Variants in STT3A observed in about 807,000 individuals in gnomAD.
The protein encoded by STT3A is STT3 oligosaccharyltransferase complex catalytic subunit A.
A neutral mutation model predicts 89.2 loss-of-function variants in STT3A; 34 were observed. The observed-to-expected ratio is 0.38, with a 90% confidence interval of 0.29 to 0.51. The LOEUF (loss-of-function observed/expected upper bound fraction) is 0.51. STT3A is among the 20% of genes least tolerant of loss of function. The pLI is 0.89. For missense variants in STT3A, 555 were observed against 889.5 expected (o/e 0.62, Z 4.78); for synonymous variants, 282 against 310.3 (o/e 0.91, Z 0.96).
chr11:125,618,514 T>C lies in STT3A; in HGVS notation c.1916T>C (p.Met639Thr). ...TCTCCAGTGCTGCTCAACTGCCTCATGTACAAGATGTGTTACTATCGCTTT... is the reference window on the plus strand; with the variant it reads ...TCTCCAGTGCTGCTCAACTGCCTCACGTACAAGATGTGTTACTATCGCTTT... Reference protein sequence around the residue: ...EGSPVLLNCLMYKMCYYRFGQ... With the variant: ...EGSPVLLNCLTYKMCYYRFGQ... Residue 639 changes from methionine to threonine, a missense_variant, in exon 16 of 18, where the codon ATG (methionine) becomes ACG (threonine). By Grantham distance (81) the Met-to-Thr change is moderately conservative. Around this residue, in one of 5 missense-constraint regions of STT3A, gnomAD observed 273 missense variants for 449.8 expected, o/e 0.61. Coordinates refer to ENST00000392708, the MANE Select transcript of STT3A (RefSeq NM_152713.5). 6.2e-7 allele frequency: 1 copy of C among 1,614,062 alleles called. No individual in the cohort carries two copies. The highest frequency in any genetic ancestry group is 8.5e-7 in the Non-Finnish European group (1 of 1,179,994).
intron 11 of STT3A, among the ~76,000 whole-genome samples, chr11:125,611,807 T>C (rs1342348552): frequency 6.6e-6 from 1 of 152,032 alleles, no homozygotes; most frequent in Non-Finnish European, 1.5e-5. Context: ...ATGATATTTT[T>C]TTCTTGAAGG....
chr11:125,619,631 A>G (rs1050464063), intron 16 of STT3A, among the ~76,000 whole-genome samples: 2 of 152,176 alleles, frequency 1.3e-5, no homozygotes, highest in African/African-American at 4.8e-5. Flanking sequence ...TTGATTCTGT[A>G]CTAGGGAGAA....
At chr11:125,618,628 C>T (rs1940249488) in intron 16 of STT3A, 67 bp downstream of exon 16, 2 of 1,488,530 alleles carry the variant, frequency 1.3e-6, no homozygotes, top group Non-Finnish European at 1.8e-6. Flanking sequence ...CAGTATTTTC[C>T]ATATGCCAAG....
chr11:125,615,181 C>T (rs571101221), intron 15 of STT3A, among the ~76,000 whole-genome samples: 15 of 152,132 alleles, frequency 9.9e-5, no homozygotes, highest in African/African-American at 3.4e-4. Context: ...GCAGGAGAAT[C>T]GCTTGAACTC....
At chr11:125,608,975 C>A (rs910217249) in intron 9 of STT3A, among the ~76,000 whole-genome samples, 1 of 152,114 alleles carries the variant, frequency 6.6e-6, no homozygotes, top group African/African-American at 2.4e-5. Context: ...CTCATCTAAT[C>A]CCATGGAAAC....
In STT3A at chr11:125,608,307, C is replaced by CT; in HGVS notation, c.961+24dup. ...GCTGACAGGTAGGGAAGGCTCACAG[C>CT]TTTTTTCCTTTTTTCTTTTTTTTTA... On this transcript the variant is annotated intron_variant, in intron 9 of 17. Transcript: ENST00000392708. 6.4e-7 allele frequency: 1 copy of CT among 1,562,628 alleles called. No homozygotes were observed. Among genetic ancestry groups the CT allele is most frequent in the East Asian group, 2.3e-5 (1 of 44,396 alleles).
intron 3 of STT3A, among the ~76,000 whole-genome samples, chr11:125,600,277 C>T (rs1939632660): frequency 1.3e-5 from 2 of 151,874 alleles, no homozygotes; most frequent in South Asian, 2.1e-4. Context: ...CTCGAACTCC[C>T]GACCTCAGGT....
intron 16 of STT3A, among the ~76,000 whole-genome samples, chr11:125,619,349 C>G (rs890564626): frequency 6.6e-6 from 1 of 151,990 alleles, no homozygotes; most frequent in South Asian, 2.1e-4. Context: ...CATGAGCCAC[C>G]GCACCCAGCC....
At chr11:125,593,209 C>G (rs1939371886) in intron 1 of STT3A, 1 of 152,324 alleles carries the variant, frequency 6.6e-6, no homozygotes, top group Non-Finnish European at 1.5e-5. Context: ...TGATGAGTGT[C>G]CCGCGCTGAG....
intron 10 of STT3A, among the ~76,000 whole-genome samples, chr11:125,610,131 C>T (rs1939960251): frequency 7.0e-6 from 1 of 142,904 alleles, no homozygotes; most frequent in African/African-American, 2.6e-5. Context: ...GGTACAATCT[C>T]AGCTTACTGC....
Position 125,621,872 on chromosome 11 carries a change from A to C in STT3A, c.*1062A>C, listed in dbSNP as rs1299429073. 3 of 152,214 alleles carry C rather than the reference A, an allele frequency of 2.0e-5. No individual in the cohort carries two copies. Among genetic ancestry groups the C allele is most frequent in the African/African-American group, 7.2e-5 (3 of 41,448 alleles). The allele number at this position is 152,214 out of a possible 1,614,324, so 9.4% of individuals were successfully genotyped here. A position where few individuals can be genotyped will look rare whatever the true frequency, so the allele number is the denominator to read the frequency against. On this transcript the variant is annotated 3_prime_UTR_variant, in exon 18 of 18. Coordinates refer to ENST00000392708, the MANE Select transcript of STT3A (RefSeq NM_152713.5). ...TGGGCAACATAAGGAGATTGTTTCT[A>C]TGAAAAATAAAAATTAGCCAGGTAT...
In STT3A at chr11:125,621,451, A is replaced by G. The variant is rs1326003327; in HGVS notation, c.*641A>G. On this transcript the variant is annotated 3_prime_UTR_variant, in exon 18 of 18. Transcript: ENST00000392708. ...TCAGCAGTTTTGAAGACTCAAGACAAACAGTGAAATTATTGGTTTATCAAT... is the reference window on the plus strand; with the variant it reads ...TCAGCAGTTTTGAAGACTCAAGACAGACAGTGAAATTATTGGTTTATCAAT... The G allele has an allele frequency of 6.6e-6, 1 of 152,228 alleles. No individual in the cohort carries two copies. The highest frequency in any genetic ancestry group is 1.5e-5 in the Non-Finnish European group (1 of 68,030). 9.4% of individuals were successfully genotyped at this position (152,228 alleles called of 1,614,324 possible).
chr11:125,595,458 G>T (rs1939462053), intron 1 of STT3A, among the ~76,000 whole-genome samples: 1 of 151,932 alleles, frequency 6.6e-6, no homozygotes, highest in Non-Finnish European at 1.5e-5. Flanking sequence ...TTTATTTCCT[G>T]CTTCCCCCCC....
chr11:125,596,383 C>T lies in STT3A; in HGVS notation c.88+380C>T, dbSNP rs138516949. Among the ~76,000 whole-genome samples the T allele has an allele frequency of 2.4e-3, 368 of 152,130 alleles. 9 individuals are homozygous for T. The East Asian group carries it at 0.055, about 23-fold the overall frequency. The stretch of plus-strand genomic sequence containing the variant: ...GGGAGGCTGAGGCACGAGAATCGCT[C>T]GAACCTGGGAGGCAGAGGTTGCAGT... On this transcript the variant is annotated intron_variant, in intron 2 of 17. Transcript: ENST00000392708.
intron 11 of STT3A, among the ~76,000 whole-genome samples, chr11:125,612,319 G>A (rs1940050294): frequency 6.6e-6 from 1 of 152,028 alleles, no homozygotes; most frequent in South Asian, 2.1e-4. Context: ...GTAAAATAGT[G>A]TTTCTCATAT....
Position 125,599,833 on chromosome 11 carries a change from C to T in STT3A, c.150-2470C>T, listed in dbSNP as rs571845762. 5.4e-3 allele frequency among the ~76,000 whole-genome samples: 736 copies of T among 136,552 alleles called. 4 individuals carry two copies. The highest frequency in any genetic ancestry group is 8.3e-3 in the Non-Finnish European group (526 of 63,548). 89.6% of individuals were successfully genotyped at this position (136,552 alleles called of 152,430 possible). A position where few individuals can be genotyped will look rare whatever the true frequency, so the allele number is the denominator to read the frequency against. ...ACAACCTCTGCCTCCCGGGTTCAAG[C>T]GATTCTCCTGCCTCAGCCTCCTAAG... is the stretch of plus-strand genomic sequence containing the variant. On this transcript the variant is annotated intron_variant, in intron 3 of 17. Transcript: ENST00000392708.
intron 3 of STT3A, among the ~76,000 whole-genome samples, chr11:125,600,514 A>T (rs1266768680): frequency 1.3e-5 from 2 of 151,396 alleles, no homozygotes; most frequent in Non-Finnish European, 2.9e-5. Context: ...GGCGTGTGCC[A>T]CTAAGTCCTG....
In STT3A at chr11:125,613,579, C is replaced by A. The variant is rs898686560; in HGVS notation, c.1554+402C>A. 7 of 166,740 alleles carry A rather than the reference C, an allele frequency of 4.2e-5. No homozygotes were observed. Among genetic ancestry groups the A allele is most frequent in the Non-Finnish European group, 9.1e-5 (7 of 77,272 alleles). 10.3% of individuals were successfully genotyped at this position (166,740 alleles called of 1,614,324 possible). A position where few individuals can be genotyped will look rare whatever the true frequency, so the allele number is the denominator to read the frequency against. The stretch of plus-strand genomic sequence containing the variant: ...CTGCTTTTAACATTTTAATTTATAT[C>A]TTTTGAGAATCTGAAGTGATTTCCT... On this transcript the variant is annotated intron_variant, in intron 13 of 17. Transcript: ENST00000392708. This position sits in a 1 kb window ranked among gnomAD's most constrained non-coding sequence, Gnocchi z 4.2.
chr11:125,609,617 C>G (rs775000658), intron 10 of STT3A, 28 bp downstream of exon 10: 1 of 1,586,716 alleles, frequency 6.3e-7, no homozygotes, highest in Non-Finnish European at 8.5e-7. Flanking sequence ...CTGAAATGGC[C>G]TTGTTCATAA....
Sources: gnomAD v4.1 joint callset for allele counts (sites outside exome capture counted in the v4.1 genomes callset) on GRCh38, gnomAD v4.1.1 for gene constraint, gnomAD v4.1.1 regional missense constraint, Gnocchi (gnomAD v3.1) non-coding constraint, MANE v1.5 for transcripts, NCBI Gene and HGNC (gene_info 2026-07-23, HGNC 2026-07-21) for gene names.